PDE8B: variants seen among roughly 807,000 people sequenced by gnomAD.
PDE8B encodes phosphodiesterase 8B.
In PDE8B, 26 loss-of-function variants were observed where a neutral mutation model predicts 101.3. The ratio of observed to expected loss-of-function variants is 0.26; its 90% CI spans 0.19 to 0.36. The LOEUF (loss-of-function observed/expected upper bound fraction) is 0.36, where lower values mean the gene tolerates loss of function less well. Among genes scored for constraint, PDE8B ranks in the 10% least tolerant of loss-of-function variants. The pLI is 1.00. For missense variants in PDE8B, 810 were observed against 1,163.1 expected (o/e 0.70, Z 4.42); for synonymous variants, 424 against 429.3 (o/e 0.99, Z 0.15).
chr5:77,389,827 A>G (rs1789534552), intron 10 of PDE8B, among the ~76,000 whole-genome samples: 1 of 151,950 alleles, frequency 6.6e-6, no homozygotes, highest in East Asian at 1.9e-4. Context: ...AGTCTATCGC[A>G]GTGTGGAGAA....
intron 1 of PDE8B, among the ~76,000 whole-genome samples, chr5:77,304,952 G>T (rs1387392871): frequency 6.6e-6 from 1 of 152,206 alleles, no homozygotes; most frequent in Admixed American, 6.5e-5. Context: ...GTCCAGGCAT[G>T]ATAGCTGAGT....
the PDE8B span, among the ~76,000 whole-genome samples, chr5:77,094,395 G>A: frequency 2.0e-5 from 3 of 151,922 alleles, no homozygotes; most frequent in South Asian, 2.1e-4. Context: ...CTACAGCCTC[G>A]ACCTCCTGGG....
At chr5:77,191,144 T>TACTGTCCTA in the PDE8B span, among the ~76,000 whole-genome samples, 1 of 152,104 alleles carries the variant, frequency 6.6e-6, no homozygotes. Flanking sequence ...CCCACAAGGA[T>TACTGTCCTA]ACTGTCCTAT....
chr5:77,351,917 A>G (rs902835782), intron 9 of PDE8B, among the ~76,000 whole-genome samples: 1 of 152,208 alleles, frequency 6.6e-6, no homozygotes, highest in Non-Finnish European at 1.5e-5. Flanking sequence ...TGTGACTCTT[A>G]GGACTACCTG....
chr5:77,391,822 A>G (rs1172973475), intron 10 of PDE8B, among the ~76,000 whole-genome samples: 2 of 152,260 alleles, frequency 1.3e-5, no homozygotes, highest in African/African-American at 2.4e-5. Context: ...CATGGGACAC[A>G]GCTTCTAAAG....
chr5:77,333,249 A>G (rs1336534090), intron 5 of PDE8B, among the ~76,000 whole-genome samples: 1 of 152,182 alleles, frequency 6.6e-6, no homozygotes, highest in East Asian at 1.9e-4. Flanking sequence ...TAGGTGCTAT[A>G]TCTTAATGAG....
chr5:77,351,003 C>A, intron 8 of PDE8B, 62 bp from the exon 9 acceptor site: 1 of 1,183,796 alleles, frequency 8.4e-7, no homozygotes, highest in Non-Finnish European at 1.3e-6. Flanking sequence ...TTCTGAGACC[C>A]TCTGCAGGAG....
At chr5:77,259,031 A>AACACAC (rs371906795) in intron 1 of PDE8B, among the ~76,000 whole-genome samples, 1 of 134,252 alleles carries the variant, frequency 7.4e-6, no homozygotes, top group Non-Finnish European at 1.5e-5. Context: ...CCCTGCCTCC[A>AACACAC]ACACACACAC....
chr5:77,267,637 C>T (rs2149748746), intron 1 of PDE8B, among the ~76,000 whole-genome samples: 1 of 152,300 alleles, frequency 6.6e-6, no homozygotes, highest in African/African-American at 2.4e-5. Flanking sequence ...CTTGAAGCTG[C>T]TGCCCTCTGT....
At chr5:77,294,075 T>C (rs1767978150) in intron 1 of PDE8B, among the ~76,000 whole-genome samples, 1 of 152,206 alleles carries the variant, frequency 6.6e-6, no homozygotes, top group Admixed American at 6.5e-5. Context: ...TATTTTTTTC[T>C]TTCATGGATC....
chr5:77,207,450 T>C (rs73135232), upstream of PDE8B, among the ~76,000 whole-genome samples: 613 of 152,362 alleles, frequency 4.0e-3, 6 homozygotes, highest in African/African-American at 0.014. Flanking sequence ...AGGTTTTGTT[T>C]TACAATATGT....
chr5:77,338,001 A>G (rs188424610), intron 6 of PDE8B, among the ~76,000 whole-genome samples: 5 of 152,048 alleles, frequency 3.3e-5, no homozygotes, highest in African/African-American at 1.2e-4. Flanking sequence ...GGCTTTTTGG[A>G]CCCTGATGTT....
chr5:77,136,952 A>G, the PDE8B span, among the ~76,000 whole-genome samples: 2 of 152,142 alleles, frequency 1.3e-5, no homozygotes, highest in Non-Finnish European at 2.9e-5. Context: ...CTCTATTTTT[A>G]TCAGTTGCCT....
chr5:77,325,040 G>GA lies in PDE8B; in HGVS notation c.400-496dup, dbSNP rs548035664. Among the ~76,000 whole-genome samples, 251 of 152,326 alleles carry GA rather than the reference G, an allele frequency of 1.6e-3. 2 individuals are homozygous for GA. Among genetic ancestry groups the GA allele is most frequent in the African/African-American group, 5.9e-3 (244 of 41,578 alleles). On this transcript the variant is annotated intron_variant, in intron 2 of 21. Coordinates refer to ENST00000264917, the MANE Select transcript of PDE8B (RefSeq NM_003719.5). ...CCCAGAAACTGTAGGCCAAAGAGGT[G>GA]AAATACCTTGTTCAAAGACCACTGT...
chr5:77,288,610 C>T (rs983143651), intron 1 of PDE8B, among the ~76,000 whole-genome samples: 14 of 152,090 alleles, frequency 9.2e-5, no homozygotes, highest in African/African-American at 2.9e-4. Context: ...GGCACAAGAC[C>T]AGAGAAATCT....
chr5:77,133,043 A>G, the PDE8B span, among the ~76,000 whole-genome samples: 1 of 152,194 alleles, frequency 6.6e-6, no homozygotes, highest in Non-Finnish European at 1.5e-5. Flanking sequence ...CTCTTTGGAG[A>G]TGACCTATGA....
rs762032173 is a variant in PDE8B, at chr5:77,211,291, GT to G, written c.339+28del. 5.8e-5 allele frequency: 89 copies of G among 1,526,804 alleles called. No individual in the cohort carries two copies. The African/African-American group carries it at 1.1e-3, about 20-fold the overall frequency. The allele number at this position is 1,526,804 out of a possible 1,614,324, so 94.6% of individuals were successfully genotyped here. A position where few individuals can be genotyped will look rare whatever the true frequency, so the allele number is the denominator to read the frequency against. Reference sequence around the variant, plus strand: ...TAAATGCCCCGCGCTGGCACACGCCGTGGGGGCCGTCCGCCCCGTCGGCGGG... The same window carrying G: ...TAAATGCCCCGCGCTGGCACACGCCGGGGGGCCGTCCGCCCCGTCGGCGGG... On this transcript the variant is annotated intron_variant, in intron 1 of 21. Coordinates refer to ENST00000264917, the MANE Select transcript of PDE8B (RefSeq NM_003719.5). This position sits in a 1 kb window ranked among gnomAD's most constrained non-coding sequence, Gnocchi z 4.1.
At chr5:77,173,979 C>A in the PDE8B span, among the ~76,000 whole-genome samples, 1 of 152,268 alleles carries the variant, frequency 6.6e-6, no homozygotes, top group Admixed American at 6.5e-5. Context: ...ATGCTGGGAC[C>A]AACCACTGGC....
At chr5:77,258,956 A>G (rs911567022) in intron 1 of PDE8B, among the ~76,000 whole-genome samples, 1 of 151,116 alleles carries the variant, frequency 6.6e-6, no homozygotes, top group South Asian at 2.1e-4. Context: ...AGGGTCTTCT[A>G]ACTCTCTCTC....
Sources: gnomAD v4.1 joint callset for allele counts (sites outside exome capture counted in the v4.1 genomes callset) on GRCh38, gnomAD v4.1.1 for gene constraint, Gnocchi (gnomAD v3.1) non-coding constraint, MANE v1.5 for transcripts, NCBI Gene and HGNC (gene_info 2026-07-23, HGNC 2026-07-21) for gene names.